The following TENM2 variants were observed in gnomAD, a reference collection of about 807,000 sequenced individuals.
TENM2 encodes the protein teneurin transmembrane protein 2.
In TENM2, 52 loss-of-function variants were observed where a neutral mutation model predicts 245.2. That is an observed-to-expected ratio of 0.21 (90% CI 0.17 to 0.27). The LOEUF (loss-of-function observed/expected upper bound fraction) is 0.27. Among genes scored for constraint, TENM2 ranks in the 10% least tolerant of loss-of-function variants. The probability of loss-of-function intolerance (pLI) is 1.00; values close to 1 mark genes in which losing one functional copy is unlikely to be tolerated. For synonymous variants in TENM2, 1,363 were observed against 1,438.9 expected, an observed-to-expected ratio of 0.95 and a Z score of 1.19; for missense variants, 3,046 against 3,666.8, an observed-to-expected ratio of 0.83 and a Z score of 4.37.
chr5:168,048,380 C>T (rs1788794707), intron 6 of TENM2, among the ~76,000 whole-genome samples: 1 of 152,162 alleles, frequency 6.6e-6, no homozygotes, highest in South Asian at 2.1e-4. Flanking sequence ...AATTTCCATT[C>T]TGCCTTTTAG....
At chr5:167,803,225 T>A (rs930344731) in intron 2 of TENM2, among the ~76,000 whole-genome samples, 2 of 152,056 alleles carry the variant, frequency 1.3e-5, no homozygotes, top group Non-Finnish European at 2.9e-5. Context: ...AACAGAGGGG[T>A]AAAGAATGCC....
At chr5:167,595,446 T>A (rs1442100727) in intron 2 of TENM2, among the ~76,000 whole-genome samples, 1 of 152,196 alleles carries the variant, frequency 6.6e-6, no homozygotes, top group Non-Finnish European at 1.5e-5. Context: ...TGTCCCATGA[T>A]CAAGGTTTTT....
chr5:167,849,302 T>C (rs7725644), intron 2 of TENM2, among the ~76,000 whole-genome samples: 2 of 151,932 alleles, frequency 1.3e-5, no homozygotes, highest in Non-Finnish European at 2.9e-5. Flanking sequence ...AAATTCCTTT[T>C]TACCATGTGC....
chr5:167,031,626 G>T, the TENM2 span, among the ~76,000 whole-genome samples: 128 of 152,236 alleles, frequency 8.4e-4, no homozygotes, highest in African/African-American at 3.0e-3. Flanking sequence ...GTGCAATGGT[G>T]CCATCTCGGC....
the TENM2 span, among the ~76,000 whole-genome samples, chr5:167,086,928 C>T: frequency 1.9e-3 from 88 of 47,532 alleles, no homozygotes; most frequent in Non-Finnish European, 3.5e-3. Context: ...AACACACACA[C>T]GCACACACAC....
At chr5:167,477,431 G>A (rs1274015434) in intron 2 of TENM2, among the ~76,000 whole-genome samples, 1 of 80,142 alleles carries the variant, frequency 1.2e-5, no homozygotes, top group Non-Finnish European at 3.4e-5. Context: ...AGGCCCTGTT[G>A]GCGGGTGGGG....
intron 2 of TENM2, among the ~76,000 whole-genome samples, chr5:167,651,065 A>G (rs1754426323): frequency 2.0e-5 from 3 of 152,016 alleles, no homozygotes. Flanking sequence ...TCCTCATTTT[A>G]TAGGAAATCA....
At chr5:167,371,334 G>GTTTTTTTTTTTTTTTTT in intron 1 of TENM2, among the ~76,000 whole-genome samples, 1 of 128,964 alleles carries the variant, frequency 7.8e-6, no homozygotes, top group East Asian at 2.3e-4. Flanking sequence ...ATGGCTCCCT[G>GTTTTTTTTTTTTTTTTT]TTTTTTTTTT....
intron 9 of TENM2, among the ~76,000 whole-genome samples, chr5:168,111,697 G>A (rs1349815298): frequency 6.6e-6 from 1 of 152,142 alleles, no homozygotes; most frequent in Non-Finnish European, 1.5e-5. Context: ...CTGAAAACTA[G>A]ATTTGATTTG....
the TENM2 span, among the ~76,000 whole-genome samples, chr5:167,132,022 C>T: frequency 6.6e-6 from 1 of 152,070 alleles, no homozygotes; most frequent in Non-Finnish European, 1.5e-5. Context: ...GGGGTTTCAC[C>T]ATGTTGGCCA....
intron 7 of TENM2, among the ~76,000 whole-genome samples, chr5:168,074,533 T>C (rs964462144): frequency 6.6e-6 from 1 of 152,196 alleles, no homozygotes; most frequent in Non-Finnish European, 1.5e-5. Context: ...AGCTGTTCTA[T>C]TCTCTGCTGT....
At chr5:167,262,668 A>G in the TENM2 span, among the ~76,000 whole-genome samples, 1 of 152,178 alleles carries the variant, frequency 6.6e-6, no homozygotes, top group Non-Finnish European at 1.5e-5. Context: ...ATATTTTTAA[A>G]TATGGACCTG....
intron 3 of TENM2, among the ~76,000 whole-genome samples, chr5:167,883,092 C>G (rs1025117352): frequency 2.0e-5 from 3 of 152,156 alleles, no homozygotes; most frequent in Admixed American, 6.6e-5. Context: ...AACTTACATG[C>G]AAAAGTTGAG....
At chr5:168,222,148 T>C (rs1390180996) in intron 23 of TENM2, among the ~76,000 whole-genome samples, 1 of 152,200 alleles carries the variant, frequency 6.6e-6, no homozygotes, top group Non-Finnish European at 1.5e-5. Flanking sequence ...GTCAGACAGA[T>C]AGAGACTTAT....
intron 2 of TENM2, among the ~76,000 whole-genome samples, chr5:167,668,337 TGTC>T (rs1755707223): frequency 6.6e-6 from 1 of 152,182 alleles, no homozygotes; most frequent in South Asian, 2.1e-4. Flanking sequence ...CAAGGTTTGT[TGTC>T]TGATTTATAC....
At chr5:167,506,988 T>G (rs1220396466) in intron 2 of TENM2, among the ~76,000 whole-genome samples, 1 of 152,218 alleles carries the variant, frequency 6.6e-6, no homozygotes, top group Admixed American at 6.5e-5. Context: ...AAACAACTTT[T>G]CTAATGTAAA....
intron 2 of TENM2, among the ~76,000 whole-genome samples, chr5:167,854,221 C>A (rs1359521295): frequency 6.6e-6 from 1 of 152,164 alleles, no homozygotes; most frequent in Non-Finnish European, 1.5e-5. Flanking sequence ...TATACACTTA[C>A]CCCTCCCTAA....
intron 2 of TENM2, among the ~76,000 whole-genome samples, chr5:167,551,167 C>A (rs533208182): frequency 6.6e-6 from 1 of 152,204 alleles, no homozygotes; most frequent in Non-Finnish European, 1.5e-5. Flanking sequence ...GTATGTGTAC[C>A]TCCTTGTTTA....
At chr5:167,110,026 T>C in the TENM2 span, among the ~76,000 whole-genome samples, 1 of 152,304 alleles carries the variant, frequency 6.6e-6, no homozygotes, top group East Asian at 1.9e-4. Context: ...ATAGGGTAAC[T>C]TTCTAAGTTG....
Sources: gnomAD v4.1 joint callset for allele counts (sites outside exome capture counted in the v4.1 genomes callset) on GRCh38, gnomAD v4.1.1 for gene constraint, MANE v1.5 for transcripts, NCBI Gene and HGNC (gene_info 2026-07-23, HGNC 2026-07-21) for gene names.